The following LRRK1 variants were observed in gnomAD, a reference collection of about 807,000 sequenced individuals.
The protein encoded by LRRK1 is leucine rich repeat kinase 1, also known as leucine-rich repeat serine/threonine-protein kinase 1.
A neutral mutation model predicts 209.1 loss-of-function variants in LRRK1; 113 were observed. That is an observed-to-expected ratio of 0.54 (90% CI 0.46 to 0.63). The LOEUF (loss-of-function observed/expected upper bound fraction) is 0.63, where lower values mean the gene tolerates loss of function less well. Ranked by LOEUF, LRRK1 falls within the 30% of genes least tolerant of loss-of-function variation. The pLI, the probability that LRRK1 is intolerant of heterozygous loss-of-function variation, is 0.00. For synonymous variants in LRRK1, 1,144 were observed against 1,099.7 expected (o/e 1.04, Z -0.80); for missense variants, 2,284 against 2,632.2 (o/e 0.87, Z 2.89).
At chr15:100,989,490 A>G in intron 6 of LRRK1, 92 bp downstream of exon 6, 1 of 1,375,032 alleles carries the variant, frequency 7.3e-7, no homozygotes, top group Non-Finnish European at 1.0e-6. Flanking sequence ...ATAAACAGAA[A>G]TATATTTGGC....
intron 31 of LRRK1, among the ~76,000 whole-genome samples, 181 bp downstream of exon 31, chr15:101,062,871 G>A (rs568716695): frequency 1.2e-4 from 18 of 152,276 alleles, no homozygotes; most frequent in South Asian, 2.1e-4. Context: ...AGTGCCTTCC[G>A]GTTTGCAAAA....
At chr15:101,015,246 C>A in intron 11 of LRRK1, 80 bp from the exon 12 acceptor site, 3 of 1,129,442 alleles carry the variant, frequency 2.7e-6, no homozygotes, top group Non-Finnish European at 2.6e-6. Context: ...ATCTCCGTGG[C>A]TTGGCATTAT....
At position 101,015,314 on chromosome 15, in the gene LRRK1, T is replaced by C. The variant is rs755927872; in HGVS notation, c.1533-12T>C. The C allele has an allele frequency of 6.2e-7, 1 of 1,611,694 alleles. No individual in the cohort carries two copies. Among genetic ancestry groups the C allele is most frequent in the Non-Finnish European group, 8.5e-7 (1 of 1,178,106 alleles). The stretch of plus-strand genomic sequence containing the variant: ...GCTGTCCTCAAATTTTGTCTCTTTT[T>C]CCTCCCCCCAGAAATGAAGATGGAC... On this transcript the variant is annotated splice_polypyrimidine_tract_variant and intron_variant, in intron 11 of 33. Transcript: ENST00000388948.
intron 3 of LRRK1, among the ~76,000 whole-genome samples, chr15:100,977,872 C>G (rs1325249649): frequency 2.6e-5 from 4 of 152,096 alleles, no homozygotes; most frequent in African/African-American, 9.7e-5. Flanking sequence ...CTCACTGAGA[C>G]AAGACAACCA....
chr15:100,960,227 G>C (rs570738142), intron 2 of LRRK1, among the ~76,000 whole-genome samples: 2 of 145,096 alleles, frequency 1.4e-5, no homozygotes, highest in African/African-American at 5.1e-5. Context: ...CAAAATCACC[G>C]TTCTTTGCTC....
chr15:101,006,529 C>T (rs1238296753), intron 6 of LRRK1, among the ~76,000 whole-genome samples: 1 of 152,078 alleles, frequency 6.6e-6, no homozygotes, highest in African/African-American at 2.4e-5. Context: ...AGTTATAAAC[C>T]ACATTTCTGG....
chr15:100,951,242 C>T (rs1285286523), intron 2 of LRRK1, among the ~76,000 whole-genome samples: 2 of 152,166 alleles, frequency 1.3e-5, no homozygotes, highest in Non-Finnish European at 2.9e-5. Flanking sequence ...CCATGAGATA[C>T]CACTTCACAC....
intron 6 of LRRK1, among the ~76,000 whole-genome samples, chr15:100,989,916 C>T (rs2032067779): frequency 6.6e-6 from 1 of 151,336 alleles, no homozygotes; most frequent in Admixed American, 6.6e-5. Context: ...TCATATTTAA[C>T]ATATTTCTTT....
At chr15:101,005,070 G>T (rs192573120) in intron 6 of LRRK1, among the ~76,000 whole-genome samples, 1 of 152,304 alleles carries the variant, frequency 6.6e-6, no homozygotes, top group East Asian at 1.9e-4. Flanking sequence ...TAATGGCCAC[G>T]CAGAGTGAGT....
In LRRK1 at chr15:100,973,826, G is replaced by C; in HGVS notation, c.120G>C (p.Lys40Asn). 7.7e-7 allele frequency: 1 copy of C among 1,292,986 alleles called. No homozygotes were observed. Among genetic ancestry groups the C allele is most frequent in the South Asian group, 2.3e-5 (1 of 43,104 alleles). The allele number at this position is 1,292,986 out of a possible 1,614,324, so 80.1% of individuals were successfully genotyped here. ...TLNGAGDTGG[K>N]PSTRGGDPAA... The stretch of plus-strand genomic sequence containing the variant: ...CAGGTGCCGGGGACACGGGCGGCAA[G>C]CCGTCCACGCGGGGCGGTGACCCTG... Residue 40 changes from lysine to asparagine, a missense_variant, in exon 3 of 34, where the codon AAG becomes AAC. This residue lies in a region of LRRK1 where 174 missense variants were observed against 133.5 expected (regional missense o/e 1.30). Coordinates refer to ENST00000388948, the MANE Select transcript of LRRK1 (RefSeq NM_024652.6).
In LRRK1 at chr15:101,010,786, T is replaced by C; in HGVS notation, c.1230T>C (p.Asn410=). 1.2e-6 allele frequency: 2 copies of C among 1,614,180 alleles called. No homozygotes were observed. The highest frequency in any genetic ancestry group is 1.7e-5 in the Admixed American group (1 of 60,020). ...CTTTCAAGTCCCTCAATTCTCTGAATGTCTCCAGAAACAACCTGAAGGTGT... is the reference window on the plus strand; with the variant it reads ...CTTTCAAGTCCCTCAATTCTCTGAACGTCTCCAGAAACAACCTGAAGGTGT... ...LHSFKSLNSL[N]VSRNNLKVFP... is the part of the protein sequence containing the mutation. Residue 410 remains asparagine (N), a synonymous_variant, in exon 9 of 34, where the codon AAT becomes AAC. Transcript: ENST00000388948.
At chr15:100,957,319 A>C (rs2042786729) in intron 2 of LRRK1, among the ~76,000 whole-genome samples, 1 of 152,286 alleles carries the variant, frequency 6.6e-6, no homozygotes, top group Non-Finnish European at 1.5e-5. Flanking sequence ...TTTGGTCTAT[A>C]GTATTATTCA....
chr15:100,982,207 G>T (rs2031641139), intron 3 of LRRK1, among the ~76,000 whole-genome samples: 1 of 152,206 alleles, frequency 6.6e-6, no homozygotes, highest in South Asian at 2.1e-4. Flanking sequence ...AGGTGTTGAT[G>T]GGGGACACTG....
rs2035840922 is a variant in LRRK1 at position 101,056,882 on chromosome 15, G to A, written c.4359G>A (p.Val1453=). ...TAGATATGTTCTCCTATGGAATGGT[G>A]CTCTACGAGTTGCTGTCAGGACAGC... ...EKVDMFSYGM[V]LYELLSGQRP... is the part of the protein sequence containing the mutation. Residue 1453 remains valine, a synonymous_variant, in exon 28 of 34, where the codon GTG becomes GTA. Coordinates refer to ENST00000388948, the MANE Select transcript of LRRK1 (RefSeq NM_024652.6). The A allele has an allele frequency of 6.2e-7, 1 of 1,611,890 alleles. No individual in the cohort carries two copies. The highest frequency in any genetic ancestry group is 1.3e-5 in the African/African-American group (1 of 74,828).
rs2036801109 is a variant in LRRK1, at chr15:101,071,418, C to T, written c.*2570C>T. The T allele has an allele frequency of 6.6e-6, 1 of 152,252 alleles. No homozygotes were observed. The highest frequency in any genetic ancestry group is 1.9e-4 in the East Asian group (1 of 5,192). 9.4% of individuals were successfully genotyped at this position (152,252 alleles called of 1,614,324 possible). On this transcript the variant is annotated 3_prime_UTR_variant, in exon 34 of 34. Transcript: ENST00000388948. ...TTGTTTTTGTTTTTTGAGACGGAGT[C>T]TCGCTCTGTTGCCCAGGCTGGAGTG...
At chr15:100,960,277 C>CTTTTTTTTTT (rs3031656) in intron 2 of LRRK1, among the ~76,000 whole-genome samples, 7 of 116,734 alleles carry the variant, frequency 6.0e-5, no homozygotes, top group African/African-American at 1.0e-4. Flanking sequence ...GTTCATATTG[C>CTTTTTTTTTT]TTTTTTTTTT....
At chr15:100,960,501 G>A (rs1281147571) in intron 2 of LRRK1, among the ~76,000 whole-genome samples, 1 of 152,094 alleles carries the variant, frequency 6.6e-6, no homozygotes, top group Non-Finnish European at 1.5e-5. Context: ...TAAATGAACT[G>A]TCCTATTTAT....
chr15:100,936,230 C>A (rs554207977), intron 2 of LRRK1, among the ~76,000 whole-genome samples: 16 of 152,308 alleles, frequency 1.1e-4, no homozygotes, highest in Admixed American at 7.8e-4. Context: ...GAAGTCAAAC[C>A]TTACAGGTAC....
rs1596204665 is a variant in LRRK1, at chr15:100,962,814, T to TATATACACATATATATATATAC, written c.98-10985_98-10984insCACATATATATATATACATATA. Among the ~76,000 whole-genome samples the TATATACACATATATATATATAC allele has an allele frequency of 1.2e-4, 4 of 33,944 alleles. 1 individual carries two copies. The highest frequency in any genetic ancestry group is 1.9e-4 in the African/African-American group (2 of 10,320). 22.3% of individuals were successfully genotyped at this position (33,944 alleles called of 152,430 possible). On this transcript the variant is annotated intron_variant, in intron 2 of 33. Coordinates refer to ENST00000388948, the MANE Select transcript of LRRK1 (RefSeq NM_024652.6). ...TTTTGCATATATATATATATATATA[T>TATATACACATATATATATATAC]ATATATATATTTTTTTTTTTTTTTT...
Sources: allele counts gnomAD v4.1 joint callset (sites outside exome capture counted in the v4.1 genomes callset), GRCh38; gene constraint gnomAD v4.1.1; regional missense constraint gnomAD v4.1.1; transcripts MANE v1.5; gene names NCBI Gene and HGNC (gene_info 2026-07-23, HGNC 2026-07-21).